KLHL5: variants seen among roughly 807,000 people sequenced by gnomAD.
The protein encoded by KLHL5 is kelch like family member 5.
Under a neutral mutation model 77.7 loss-of-function variants are expected in KLHL5, and 48 were observed. The ratio of observed to expected loss-of-function variants is 0.62; its 90% confidence interval spans 0.49 to 0.79. The LOEUF (loss-of-function observed/expected upper bound fraction) is 0.79. KLHL5 is among the 30% of genes least tolerant of loss of function. The probability of loss-of-function intolerance (pLI) is 0.00; values close to 1 mark genes in which losing one functional copy is unlikely to be tolerated. For missense variants in KLHL5, 723 were observed against 859.7 expected, an observed-to-expected ratio of 0.84 and a Z score of 1.99; for synonymous variants, 260 against 297.0, an observed-to-expected ratio of 0.88 and a Z score of 1.28.
rs1173701774 is a variant in KLHL5 at position 39,082,166 on chromosome 4, A to G, written c.900+7A>G. 6.4e-7 allele frequency: 1 copy of G among 1,567,710 alleles called. No homozygotes were observed. ...GGCTCACAATTATACTATGGTATGT[A>G]TTTTTTGAAGGTGAGAAAGTCGATC... On this transcript the variant is annotated splice_region_variant and intron_variant, in intron 4 of 10. Coordinates refer to ENST00000504108, the MANE Select transcript of KLHL5 (RefSeq NM_015990.5).
intron 5 of KLHL5, among the ~76,000 whole-genome samples, chr4:39,092,847 G>A (rs1222173421): frequency 6.6e-6 from 1 of 152,148 alleles, no homozygotes; most frequent in Admixed American, 6.6e-5. Flanking sequence ...CTAAAATAGA[G>A]ACAAACTAAC....
the KLHL5 span, among the ~76,000 whole-genome samples, chr4:39,136,648 C>A: frequency 6.6e-6 from 1 of 152,142 alleles, no homozygotes; most frequent in Non-Finnish European, 1.5e-5. Context: ...AGGACAGCGT[C>A]CACACAGCAC....
chr4:39,061,949 A>G (rs185637773), upstream of KLHL5, among the ~76,000 whole-genome samples: 55 of 152,314 alleles, frequency 3.6e-4, no homozygotes, highest in East Asian at 9.6e-3. Flanking sequence ...TGAAGGGAGA[A>G]GATAGAGGTG....
At chr4:39,080,584 A>C (rs1463150030) in intron 2 of KLHL5, among the ~76,000 whole-genome samples, 3 of 151,650 alleles carry the variant, frequency 2.0e-5, no homozygotes, top group Non-Finnish European at 4.4e-5. Context: ...TTAGAGACAT[A>C]GCTAATATAT....
At chr4:39,138,642 AG>A in the KLHL5 span, among the ~76,000 whole-genome samples, 1 of 152,156 alleles carries the variant, frequency 6.6e-6, no homozygotes, top group Non-Finnish European at 1.5e-5. Flanking sequence ...CAGGAAAAAT[AG>A]CTAATGGGTA....
intron 1 of KLHL5, among the ~76,000 whole-genome samples, chr4:39,051,354 T>A (rs1716627473): frequency 7.8e-6 from 1 of 128,290 alleles, no homozygotes; most frequent in Admixed American, 8.9e-5. Context: ...ATATGTTACC[T>A]GAAGAGGATT....
In KLHL5 at chr4:39,124,802, C is replaced by CAAAAAAAAAAAAAAAAAAAAAAAAAAA. The variant is rs71643268; in HGVS notation, c.*3760_*3761insAAAAAAAAAAAAAAAAAAAAAAAAAAA. Among the ~76,000 whole-genome samples, 50 of 44,112 alleles carry CAAAAAAAAAAAAAAAAAAAAAAAAAAA rather than the reference C, an allele frequency of 1.1e-3. No individual in the cohort carries two copies. Among genetic ancestry groups the CAAAAAAAAAAAAAAAAAAAAAAAAAAA allele is most frequent in the South Asian group, 3.6e-3 (3 of 844 alleles). 28.9% of individuals were successfully genotyped at this position (44,112 alleles called of 152,430 possible). A position where few individuals can be genotyped will look rare whatever the true frequency, so the allele number is the denominator to read the frequency against. ...GCACCAAAAGCACAAGCAACAACAGCAAAAAAAAAAAAAAAAAAAAAAAAT... is the reference window on the plus strand; with the variant it reads ...GCACCAAAAGCACAAGCAACAACAGCAAAAAAAAAAAAAAAAAAAAAAAAAAAAAAAAAAAAAAAAAAAAAAAAAAAT... On this transcript the variant is annotated 3_prime_UTR_variant, in exon 11 of 11. Transcript: ENST00000504108.
intron 1 of KLHL5, among the ~76,000 whole-genome samples, chr4:39,056,727 C>T (rs1717033678): frequency 6.6e-6 from 1 of 152,142 alleles, no homozygotes. Flanking sequence ...ATAATTAAAA[C>T]CAAACATGTC....
In KLHL5 at chr4:39,121,460, A is replaced by C. The variant is rs1026166710; in HGVS notation, c.*394A>C. ...GAAACTTTAAAATGTTACTTTTTGT[A>C]AGCTTATCATAAATGAGTTGCAGTA... On this transcript the variant is annotated 3_prime_UTR_variant, in exon 11 of 11. Coordinates refer to ENST00000504108, the MANE Select transcript of KLHL5 (RefSeq NM_015990.5). The C allele has an allele frequency of 5.9e-6, 1 of 168,264 alleles. No homozygotes were observed. The highest frequency in any genetic ancestry group is 2.4e-5 in the African/African-American group (1 of 41,984). 10.4% of individuals were successfully genotyped at this position (168,264 alleles called of 1,614,324 possible).
At chr4:39,059,371 T>C (rs2566124), upstream of KLHL5, among the ~76,000 whole-genome samples, 110,496 of 151,992 alleles carry the variant, frequency 0.73, 40,335 homozygotes, top group East Asian at 0.82. Context: ...TGAAGAGTTA[T>C]TCAGCCACAT....
At chr4:39,050,016 G>A (rs879299744) in intron 1 of KLHL5, among the ~76,000 whole-genome samples, 13 of 151,900 alleles carry the variant, frequency 8.6e-5, no homozygotes, top group Admixed American at 3.3e-4. Context: ...CAGAGGTTGC[G>A]GTAAGCTGAC....
At chr4:39,142,342 C>T in the KLHL5 span, among the ~76,000 whole-genome samples, 3 of 150,940 alleles carry the variant, frequency 2.0e-5, no homozygotes, top group Non-Finnish European at 2.9e-5. Context: ...TTGCAGTGAG[C>T]TGAGATCGCG....
At chr4:39,065,347 A>C (rs1487369459) in intron 1 of KLHL5, among the ~76,000 whole-genome samples, 1 of 132,806 alleles carries the variant, frequency 7.5e-6, no homozygotes, top group Non-Finnish European at 1.6e-5. Flanking sequence ...TCACACTGAC[A>C]TTCATCAATT....
At chr4:39,115,791 A>G in intron 10 of KLHL5, 1 of 1,039,400 alleles carries the variant, frequency 9.6e-7, no homozygotes, top group Admixed American at 5.5e-5. Flanking sequence ...CCTAAATTAC[A>G]CTGAGTAAGA....
chr4:39,052,655 A>C (rs992440896), intron 1 of KLHL5, among the ~76,000 whole-genome samples: 1 of 152,200 alleles, frequency 6.6e-6, no homozygotes, highest in African/African-American at 2.4e-5. Context: ...AGAATAAGAG[A>C]GGATTTAGAC....
rs763937420 is a variant in KLHL5 at position 39,123,934 on chromosome 4, A to C, written c.*2868A>C. On this transcript the variant is annotated 3_prime_UTR_variant, in exon 11 of 11. Transcript: ENST00000504108. ...GCAGAAAACATGGTCCTATATATTA[A>C]AAATCCTAAAGAATCCACAAAATGA... Among the ~76,000 whole-genome samples, 2 of 152,220 alleles carry C rather than the reference A, an allele frequency of 1.3e-5. No individual in the cohort carries two copies. The highest frequency in any genetic ancestry group is 2.9e-5 in the Non-Finnish European group (2 of 68,034).
At chr4:39,093,626 C>T (rs1231769025) in intron 5 of KLHL5, among the ~76,000 whole-genome samples, 2 of 151,490 alleles carry the variant, frequency 1.3e-5, no homozygotes, top group African/African-American at 4.9e-5. Context: ...TATGAAGGGG[C>T]AAGGCATGGT....
chr4:39,114,821 A>C (rs1722720864), intron 9 of KLHL5, among the ~76,000 whole-genome samples: 1 of 152,214 alleles, frequency 6.6e-6, no homozygotes, highest in East Asian at 1.9e-4. Flanking sequence ...ACAGCCCAAA[A>C]ATGGACAGCT....
rs1723323584 is a variant in KLHL5, at chr4:39,123,144, A to G, written c.*2078A>G. On this transcript the variant is annotated 3_prime_UTR_variant, in exon 11 of 11. Transcript: ENST00000504108. Reference sequence around the variant, plus strand: ...TTAGATGACCTCGATGAAAAAACACACCAATTGACAAAACTGGCTCAAAAG... The same window carrying G: ...TTAGATGACCTCGATGAAAAAACACGCCAATTGACAAAACTGGCTCAAAAG... Among the ~76,000 whole-genome samples the G allele has an allele frequency of 6.6e-6, 1 of 152,184 alleles. No homozygotes were observed. Among genetic ancestry groups the G allele is most frequent in the South Asian group, 2.1e-4 (1 of 4,826 alleles).
Sources: allele counts gnomAD v4.1 joint callset (sites outside exome capture counted in the v4.1 genomes callset), GRCh38; gene constraint gnomAD v4.1.1; transcripts MANE v1.5; gene names NCBI Gene and HGNC (gene_info 2026-07-23, HGNC 2026-07-21).